The following NLRP7 variants were observed in gnomAD, a reference collection of about 807,000 sequenced individuals.
NLRP7 encodes NACHT, LRR and PYD domains-containing protein 7.
Under a neutral mutation model 85.5 loss-of-function variants are expected in NLRP7, and 72 were observed. That is an observed-to-expected ratio of 0.84 (90% confidence interval 0.70 to 1.02). The LOEUF is 1.02. Ranked by LOEUF, NLRP7 falls within the 50% of genes least tolerant of loss-of-function variation. The probability of loss-of-function intolerance (pLI) is 0.00; values close to 1 mark genes in which losing one functional copy is unlikely to be tolerated. For missense variants in NLRP7, 1,243 were observed against 1,219.5 expected (o/e 1.02, Z -0.29); for synonymous variants, 550 against 505.2 (o/e 1.09, Z -1.19).
intron 1 of NLRP7, among the ~76,000 whole-genome samples, chr19:54,942,243 G>A (rs1190449240): frequency 2.5e-4 from 29 of 115,398 alleles, no homozygotes; most frequent in African/African-American, 8.8e-4. Context: ...GCGACAGAGC[G>A]AGACTCCGTC....
At chr19:54,953,914 G>A (rs1232853687) in intron 1 of NLRP7, among the ~76,000 whole-genome samples, 1 of 152,042 alleles carries the variant, frequency 6.6e-6, no homozygotes, top group African/African-American at 2.4e-5. Context: ...GGCTGAGGCA[G>A]GAGAACGGCG....
Position 54,937,166 on chromosome 19 carries a change from C to T in NLRP7, c.2130-735G>A, listed in dbSNP as rs755224162. 7.2e-4 allele frequency among the ~76,000 whole-genome samples: 108 copies of T among 149,344 alleles called. 1 individual carries two copies. Among genetic ancestry groups the T allele is most frequent in the Non-Finnish European group, 3.3e-4 (22 of 67,528 alleles). On this transcript the variant is annotated intron_variant, in intron 5 of 9. Coordinates refer to ENST00000340844, the Ensembl canonical transcript of NLRP7. Reference sequence around the variant, plus strand: ...CCGGGAGGCAGGGCTTGCAGTGAGCCGAGATTGCTGCACTGCACTCCAGCC... The same window carrying T: ...CCGGGAGGCAGGGCTTGCAGTGAGCTGAGATTGCTGCACTGCACTCCAGCC...
chr19:54,938,013 G>A, intron 5 of NLRP7, 31 bp downstream of exon 5: 1 of 1,544,668 alleles, frequency 6.5e-7, no homozygotes, highest in Middle Eastern at 1.7e-4. Context: ...CATCGTTCAG[G>A]GTCTTCCTTG....
At chr19:54,959,940 G>A (rs1490723491) in intron 1 of NLRP7, among the ~76,000 whole-genome samples, 1 of 151,874 alleles carries the variant, frequency 6.6e-6, no homozygotes, top group East Asian at 1.9e-4. Context: ...TGTACACAGA[G>A]ACCCAAGGCC....
chr19:54,964,883 C>CGT (rs1171924343), intron 1 of NLRP7, among the ~76,000 whole-genome samples: 3 of 119,120 alleles, frequency 2.5e-5, no homozygotes, highest in Non-Finnish European at 5.4e-5. Flanking sequence ...GCTTTTCATG[C>CGT]GTCTCATAGT....
At chr19:54,941,043 T>C (rs1228991549) in intron 2 of NLRP7, 38 bp from the exon 3 acceptor site, 2 of 1,392,808 alleles carry the variant, frequency 1.4e-6, no homozygotes, top group Admixed American at 3.4e-5. Context: ...CACAGTAATT[T>C]ACACTTCGTA....
chr19:54,937,805 G>C (rs1176865325), intron 5 of NLRP7, among the ~76,000 whole-genome samples: 1 of 147,542 alleles, frequency 6.8e-6, no homozygotes, highest in African/African-American at 2.5e-5. Context: ...GCTGAGGCAG[G>C]AGAATTGCTT....
intron 1 of NLRP7, among the ~76,000 whole-genome samples, chr19:54,965,537 G>C (rs1208655941): frequency 1.1e-5 from 1 of 93,976 alleles, no homozygotes; most frequent in Non-Finnish European, 2.2e-5. Flanking sequence ...CTCACTGCAA[G>C]CTCCGCCTCC....
chr19:54,941,326 G>A (rs913998861), intron 2 of NLRP7, 109 bp downstream of exon 2: 37 of 802,888 alleles, frequency 4.6e-5, no homozygotes, highest in African/African-American at 2.1e-4. Context: ...CCCAGATCTC[G>A]CCACTGCACT....
chr19:54,927,326 A>G (rs1301176521), intron 9 of NLRP7, among the ~76,000 whole-genome samples: 1 of 151,556 alleles, frequency 6.6e-6, no homozygotes, highest in Non-Finnish European at 1.5e-5. Context: ...GGTTGCAGTG[A>G]GCCAAGATCG....
chr19:54,936,170 A>G (rs1358898782), intron 6 of NLRP7, 91 bp downstream of exon 6: 7 of 1,140,626 alleles, frequency 6.1e-6, no homozygotes, highest in Non-Finnish European at 9.2e-6. Context: ...CTGGGACGGC[A>G]TCTGGAGTGG....
rs1392140562 is a variant in NLRP7 at position 54,938,113 on chromosome 19, A to T, written c.2060T>A (p.Leu687Gln). 8.1e-6 allele frequency: 13 copies of T among 1,613,974 alleles called. No individual in the cohort carries two copies. The highest frequency in any genetic ancestry group is 1.1e-5 in the Non-Finnish European group (13 of 1,179,976). The change falls in exon 5 of 10, where the codon CTG becomes CAG. Residue 687 changes from leucine (L) to glutamine (Q), a missense_variant. Physicochemically the swap from Leu to Gln is moderately radical, Grantham distance 113. Transcript: ENST00000340844. ...AAGAATCCGCACAGAAGAGTCACTCAGGAAGCTTTGTTTCACTTCCAGAAA... is the reference window on the plus strand; with the variant it reads ...AAGAATCCGCACAGAAGAGTCACTCTGGAAGCTTTGTTTCACTTCCAGAAA...
chr19:54,929,837 G>T (rs138781273), intron 9 of NLRP7, among the ~76,000 whole-genome samples: 1 of 151,974 alleles, frequency 6.6e-6, no homozygotes, highest in African/African-American at 2.4e-5. Flanking sequence ...GAAATTGGCC[G>T]GGCGTGGTGG....
intron 5 of NLRP7, among the ~76,000 whole-genome samples, chr19:54,937,150 A>G (rs977254460): frequency 6.6e-6 from 1 of 150,856 alleles, no homozygotes; most frequent in Non-Finnish European, 1.5e-5. Flanking sequence ...CCCGGGAGGC[A>G]GGGCTTGCAG....
At chr19:54,935,625 G>A (rs113072065) in intron 6 of NLRP7, among the ~76,000 whole-genome samples, 8,758 of 151,802 alleles carry the variant, frequency 0.058, 610 homozygotes, top group African/African-American at 0.17. Context: ...CCCAGGAGGC[G>A]GAGGTTGCAG....
chr19:54,961,059 A>G (rs1340927052), intron 1 of NLRP7, among the ~76,000 whole-genome samples: 1 of 151,954 alleles, frequency 6.6e-6, no homozygotes, highest in Non-Finnish European at 1.5e-5. Flanking sequence ...AAATTTATAA[A>G]TGTAAATATT....
At chr19:54,928,459 G>A (rs2068538700) in intron 9 of NLRP7, among the ~76,000 whole-genome samples, 1 of 152,126 alleles carries the variant, frequency 6.6e-6, no homozygotes. Flanking sequence ...GAAAGGCAGA[G>A]GGGAGTGAGC....
At chr19:54,942,935 T>C (rs77306011) in intron 1 of NLRP7, among the ~76,000 whole-genome samples, 2,685 of 147,508 alleles carry the variant, frequency 0.018, 94 homozygotes, top group African/African-American at 0.063. Flanking sequence ...TCGCCTGATG[T>C]CAGGAGTTTG....
intron 1 of NLRP7, among the ~76,000 whole-genome samples, chr19:54,958,968 T>G (rs1474500276): frequency 6.6e-6 from 1 of 152,018 alleles, no homozygotes; most frequent in Non-Finnish European, 1.5e-5. Context: ...ACAGTGTTCT[T>G]CTATACAATG....
Sources: allele counts gnomAD v4.1 joint callset (sites outside exome capture counted in the v4.1 genomes callset), GRCh38; gene constraint gnomAD v4.1.1; transcripts MANE v1.5; gene names NCBI Gene and HGNC (gene_info 2026-07-23, HGNC 2026-07-21).